EXOC6B: variants seen among roughly 807,000 people sequenced by gnomAD.
EXOC6B encodes SEC15 homolog B.
Under a neutral mutation model 113.5 loss-of-function variants are expected in EXOC6B, and 54 were observed. The ratio of observed to expected loss-of-function variants is 0.48; its 90% confidence interval spans 0.38 to 0.60. EXOC6B has a LOEUF of 0.60. Among genes scored for constraint, EXOC6B ranks in the 20% least tolerant of loss-of-function variants. EXOC6B has a pLI of 0.00. For missense variants in EXOC6B, 797 were observed against 977.5 expected, an observed-to-expected ratio of 0.82 and a Z score of 2.46; for synonymous variants, 357 against 339.0, an observed-to-expected ratio of 1.05 and a Z score of -0.58.
At chr2:72,391,682 C>A (rs1692392179) in intron 18 of EXOC6B, among the ~76,000 whole-genome samples, 3 of 152,076 alleles carry the variant, frequency 2.0e-5, no homozygotes, top group Admixed American at 2.0e-4. Context: ...CAAATATATC[C>A]ATTTAAAACC....
chr2:72,462,177 T>A (rs1315754209), intron 18 of EXOC6B: 2 of 152,132 alleles, frequency 1.3e-5, no homozygotes, highest in African/African-American at 4.8e-5. Flanking sequence ...TATTTCTAAA[T>A]TGACTTGCTA....
chr2:72,780,889 G>A (rs1683994527), intron 1 of EXOC6B, among the ~76,000 whole-genome samples: 2 of 151,976 alleles, frequency 1.3e-5, no homozygotes, highest in Admixed American at 1.3e-4. Flanking sequence ...GGATAAGAAA[G>A]TCCTTGTTAG....
intron 20 of EXOC6B, among the ~76,000 whole-genome samples, chr2:72,303,222 C>G (rs930368709): frequency 3.3e-5 from 5 of 152,096 alleles, no homozygotes; most frequent in Admixed American, 1.3e-4. Flanking sequence ...TGTAGATGAC[C>G]TGCCCTTTCT....
intron 20 of EXOC6B, among the ~76,000 whole-genome samples, chr2:72,242,471 T>G (rs1249276957): frequency 2.6e-5 from 4 of 152,120 alleles, no homozygotes; most frequent in African/African-American, 9.7e-5. Flanking sequence ...TTGCAAACTC[T>G]AGGGAAACCA....
intron 6 of EXOC6B, among the ~76,000 whole-genome samples, chr2:72,675,084 C>T (rs1310946597): frequency 2.0e-5 from 3 of 152,220 alleles, no homozygotes; most frequent in Non-Finnish European, 2.9e-5. Context: ...ACAAGCACTA[C>T]TAAAATATCT....
intron 20 of EXOC6B, among the ~76,000 whole-genome samples, chr2:72,282,903 T>A (rs919829863): frequency 2.6e-5 from 4 of 152,092 alleles, no homozygotes; most frequent in Admixed American, 2.6e-4. Flanking sequence ...AGCATTAATA[T>A]ATGTTAAGAA....
chr2:72,349,442 C>A (rs1689521010), intron 19 of EXOC6B, among the ~76,000 whole-genome samples: 1 of 152,166 alleles, frequency 6.6e-6, no homozygotes, highest in Admixed American at 6.5e-5. Context: ...ACAGTTGGAG[C>A]TTTGAGCCCC....
At chr2:72,287,462 T>C (rs1310326973) in intron 20 of EXOC6B, among the ~76,000 whole-genome samples, 3 of 146,266 alleles carry the variant, frequency 2.1e-5, no homozygotes, top group Non-Finnish European at 3.0e-5. Flanking sequence ...AAAATAAAAA[T>C]AAAAAAATAA....
chr2:72,685,815 T>C (rs1363392627), intron 6 of EXOC6B, among the ~76,000 whole-genome samples: 2 of 152,218 alleles, frequency 1.3e-5, no homozygotes, highest in African/African-American at 4.8e-5. Context: ...GCTTAATCCA[T>C]GCAGGACATG....
intron 20 of EXOC6B, among the ~76,000 whole-genome samples, chr2:72,258,224 ATC>A (rs887339097): frequency 1.1e-4 from 17 of 152,208 alleles, no homozygotes; most frequent in Non-Finnish European, 2.2e-4. Flanking sequence ...AGCATTTCTT[ATC>A]TCTCTTATTA....
chr2:72,223,484 T>C (rs1172108238), intron 20 of EXOC6B, among the ~76,000 whole-genome samples: 4 of 152,206 alleles, frequency 2.6e-5, no homozygotes, highest in Admixed American at 1.3e-4. Flanking sequence ...ACTATCCTGT[T>C]AAGATTTTTT....
At chr2:72,503,038 C>G (rs1207953289) in intron 11 of EXOC6B, among the ~76,000 whole-genome samples, 1 of 151,972 alleles carries the variant, frequency 6.6e-6, no homozygotes, top group African/African-American at 2.4e-5. Context: ...GGATTCATAC[C>G]ATCCTTTGGC....
chr2:72,430,810 T>C (rs1384161828), intron 18 of EXOC6B, among the ~76,000 whole-genome samples: 2 of 152,214 alleles, frequency 1.3e-5, no homozygotes, highest in Non-Finnish European at 2.9e-5. Context: ...AATTCCTAAA[T>C]GTCACTATTT....
intron 6 of EXOC6B, among the ~76,000 whole-genome samples, chr2:72,635,117 G>C (rs970925858): frequency 1.3e-5 from 2 of 151,968 alleles, no homozygotes; most frequent in Non-Finnish European, 2.9e-5. Context: ...AACAGGAAAA[G>C]TCTCAAATCA....
chr2:72,493,332 C>G lies in EXOC6B; in HGVS notation c.1554-903G>C, dbSNP rs996870591. On this transcript the variant is annotated intron_variant, in intron 15 of 21. Coordinates refer to ENST00000272427, the MANE Select transcript of EXOC6B (RefSeq NM_015189.3). ...TCTCTGTTTTTCTCCCCCCCCCCCC[C>G]CCGCATTTTTACATAGGAAGCAATA... is the stretch of plus-strand genomic sequence containing the variant. Among the ~76,000 whole-genome samples, 33 of 140,332 alleles carry G rather than the reference C, an allele frequency of 2.4e-4. 1 individual carries two copies. Among genetic ancestry groups the G allele is most frequent in the African/African-American group, 8.4e-4 (27 of 32,080 alleles). The allele number at this position is 140,332 out of a possible 152,430, so 92.1% of individuals were successfully genotyped here. A position where few individuals can be genotyped will look rare whatever the true frequency, so the allele number is the denominator to read the frequency against.
At chr2:72,371,644 G>A (rs536567545) in intron 19 of EXOC6B, among the ~76,000 whole-genome samples, 1 of 152,044 alleles carries the variant, frequency 6.6e-6, no homozygotes, top group South Asian at 2.1e-4. Flanking sequence ...ATCCCTTCAT[G>A]GTAAAAATCC....
chr2:72,183,497 G>T (rs1215735003), intron 21 of EXOC6B, among the ~76,000 whole-genome samples: 1 of 152,170 alleles, frequency 6.6e-6, no homozygotes, highest in East Asian at 1.9e-4. Flanking sequence ...CCCTCTGCAG[G>T]CTAGTGACTG....
At chr2:72,218,665 C>A (rs1305709124) in intron 20 of EXOC6B, among the ~76,000 whole-genome samples, 1 of 151,902 alleles carries the variant, frequency 6.6e-6, no homozygotes, top group Non-Finnish European at 1.5e-5. Flanking sequence ...TATGCCATTT[C>A]TTTTTTTGTT....
chr2:72,673,779 AT>A lies in EXOC6B; in HGVS notation c.669+44323del, dbSNP rs1164870033. 1.4e-4 allele frequency among the ~76,000 whole-genome samples: 20 copies of A among 142,220 alleles called. No homozygotes were observed. In the South Asian group the frequency reaches 1.8e-3, roughly 13 times the overall value. 93.3% of individuals were successfully genotyped at this position (142,220 alleles called of 152,430 possible). A position where few individuals can be genotyped will look rare whatever the true frequency, so the allele number is the denominator to read the frequency against. On this transcript the variant is annotated intron_variant, in intron 6 of 21. Coordinates refer to ENST00000272427, the MANE Select transcript of EXOC6B (RefSeq NM_015189.3). ...TTATTATTTTTTATTTTATTTTTTT[AT>A]TTTTTTTTGACTAAGGTAATTTAAG... is the stretch of plus-strand genomic sequence containing the variant.
Sources: allele counts gnomAD v4.1 joint callset (sites outside exome capture counted in the v4.1 genomes callset), GRCh38; gene constraint gnomAD v4.1.1; transcripts MANE v1.5; gene names NCBI Gene and HGNC (gene_info 2026-07-23, HGNC 2026-07-21).